Variants in PHACTR2 observed in about 807,000 individuals in gnomAD.
The protein encoded by PHACTR2 is phosphatase and actin regulator 2.
In PHACTR2, 30 loss-of-function variants were observed where a neutral mutation model predicts 76.0. The observed-to-expected ratio is 0.39, with a 90% confidence interval of 0.30 to 0.54. The LOEUF is 0.54. Ranked by LOEUF, PHACTR2 falls within the 20% of genes least tolerant of loss-of-function variation. The pLI is 0.61. For synonymous variants in PHACTR2, 292 were observed against 292.5 expected (o/e 1.00, Z 0.02); for missense variants, 696 against 781.1 (o/e 0.89, Z 1.30).
rs1332068578 is a variant in PHACTR2, at chr6:143,698,079, T to G, written c.47-13937T>G. On this transcript the variant is annotated intron_variant, in intron 1 of 12. Coordinates refer to ENST00000440869, the MANE Select transcript of PHACTR2 (RefSeq NM_001100164.2). The surrounding 1 kb of genome is among the most constrained non-coding windows in gnomAD (Gnocchi z 4.3). ...CTTTTTCCCATCATTCTAGAACATG[T>G]TCAATGTTTCTTCAGACCAGTATTG... 6.6e-6 allele frequency among the ~76,000 whole-genome samples: 1 copy of G among 152,218 alleles called. No homozygotes were observed. Among genetic ancestry groups the G allele is most frequent in the Non-Finnish European group, 1.5e-5 (1 of 68,040 alleles).
intron 2 of PHACTR2, among the ~76,000 whole-genome samples, chr6:143,714,563 G>A (rs1562279647): frequency 6.6e-6 from 1 of 152,204 alleles, no homozygotes; most frequent in Non-Finnish European, 1.5e-5. Flanking sequence ...TGCCCTATAA[G>A]GCAGGCTGGG....
rs1315063050 is a variant in PHACTR2, at chr6:143,595,260, A to T, written c.217+58053A>T. Among the ~76,000 whole-genome samples the T allele has an allele frequency of 6.6e-6, 1 of 152,252 alleles. No homozygotes were observed. The highest frequency in any genetic ancestry group is 1.9e-4 in the East Asian group (1 of 5,204). Reference sequence around the variant, plus strand: ...TTAAGTATGTCAAATGACACACTAAAGGCTAATTAGGTAAAGGGAGAAGTG... The same window carrying T: ...TTAAGTATGTCAAATGACACACTAATGGCTAATTAGGTAAAGGGAGAAGTG... On this transcript the variant is annotated intron_variant, in intron 1 of 11. Transcript: ENST00000367584. The surrounding 1 kb of genome is among the most constrained non-coding windows in gnomAD (Gnocchi z 4.2).
At chr6:143,564,515 T>G (rs1016901503) in intron 1 of PHACTR2, among the ~76,000 whole-genome samples, 5 of 152,096 alleles carry the variant, frequency 3.3e-5, no homozygotes, top group Non-Finnish European at 7.4e-5. Context: ...TTAACACCCA[T>G]GCACATTTAT....
At chr6:143,622,279 G>A (rs961217436) in intron 1 of PHACTR2, among the ~76,000 whole-genome samples, 1 of 152,130 alleles carries the variant, frequency 6.6e-6, no homozygotes, top group East Asian at 1.9e-4. Context: ...AGGCCCCTGT[G>A]TCACCAGCAC....
intron 1 of PHACTR2, among the ~76,000 whole-genome samples, chr6:143,626,981 G>C (rs1235830246): frequency 1.3e-5 from 2 of 152,224 alleles, no homozygotes; most frequent in East Asian, 3.8e-4. Context: ...ACGTTAGGTT[G>C]ATTATTAGTG....
At position 143,760,402 on chromosome 6, in the gene PHACTR2, G is replaced by T; in HGVS notation, c.456G>T (p.Glu152Asp). The T allele has an allele frequency of 1.2e-6, 2 of 1,607,864 alleles. No homozygotes were observed. Among genetic ancestry groups the T allele is most frequent in the Non-Finnish European group, 1.7e-6 (2 of 1,176,842 alleles). ...TTCTGTTCACTTTCTCGTTTATAGA[G>T]AACACTGAAAACCACTCTGAAACAC... ...PLEEQAEDKK[E>D]NTENHSETPA... The change falls in exon 5 of 13, where the codon GAG becomes GAT. Residue 152 changes from glutamate (E) to aspartate (D), a missense_variant and splice_region_variant. Glu to Asp is a conservative substitution (Grantham distance 45). This residue lies in a region of PHACTR2 where 460 missense variants were observed against 450.9 expected (regional missense o/e 1.02). Coordinates refer to ENST00000440869, the MANE Select transcript of PHACTR2 (RefSeq NM_001100164.2). This position sits in a 1 kb window ranked among gnomAD's most constrained non-coding sequence, Gnocchi z 6.4.
chr6:143,605,905 G>T (rs76389020), upstream of PHACTR2, among the ~76,000 whole-genome samples: 947 of 152,192 alleles, frequency 6.2e-3, 22 homozygotes, highest in East Asian at 0.091. The surrounding 1 kb of genome is among the most constrained non-coding windows in gnomAD (Gnocchi z 5.0). Flanking sequence ...TGACATATGT[G>T]TACAATGTGG....
chr6:143,615,307 T>G (rs939835449), intron 1 of PHACTR2, among the ~76,000 whole-genome samples: 5 of 152,200 alleles, frequency 3.3e-5, no homozygotes, highest in African/African-American at 1.2e-4. Context: ...TTGGTCTTTG[T>G]GTTTTCCATA....
chr6:143,827,166 A>G lies in PHACTR2; in HGVS notation c.*3477A>G, dbSNP rs1027737694. 1.6e-5 allele frequency: 1 copy of G among 62,182 alleles called. No individual in the cohort carries two copies. The highest frequency in any genetic ancestry group is 3.6e-5 in the Non-Finnish European group (1 of 27,966). 3.9% of individuals were successfully genotyped at this position (62,182 alleles called of 1,614,324 possible). On this transcript the variant is annotated 3_prime_UTR_variant, in exon 13 of 13. Transcript: ENST00000440869. ...GCATTAAAAAAGAAAATATATATAT[A>G]TATATATATATATATATATATATAT... is the stretch of plus-strand genomic sequence containing the variant.
At position 143,765,692 on chromosome 6, in the gene PHACTR2, G is replaced by A. The variant is rs200196216; in HGVS notation, c.1126G>A (p.Val376Ile). 4.3e-5 allele frequency: 69 copies of A among 1,614,116 alleles called. 1 individual carries two copies. The highest frequency in any genetic ancestry group is 1.1e-4 in the East Asian group (5 of 44,882). ...VLVSVGADLPVSALDPSQLLW... is the reference protein window; with the variant it reads ...VLVSVGADLPISALDPSQLLW... ...CGTCAGCGTTGGAGCTGACCTGCCC[G>A]TCTCTGCCTTAGACCCAAGTCAGCT... The change falls in exon 6 of 13, where the codon GTC (valine) becomes ATC (isoleucine). Residue 376 changes from valine (V) to isoleucine (I), a missense_variant. Physicochemically the swap from Val to Ile is conservative, Grantham distance 29. This residue lies in a region of PHACTR2 where 236 missense variants were observed against 330.2 expected (regional missense o/e 0.71). Coordinates refer to ENST00000440869, the MANE Select transcript of PHACTR2 (RefSeq NM_001100164.2). The surrounding 1 kb of genome is among the most constrained non-coding windows in gnomAD (Gnocchi z 4.1).
At chr6:143,694,944 T>C (rs1777737306) in intron 1 of PHACTR2, among the ~76,000 whole-genome samples, 1 of 152,208 alleles carries the variant, frequency 6.6e-6, no homozygotes, top group African/African-American at 2.4e-5. Context: ...AAGATAATGC[T>C]TCAACAGCAC....
intron 1 of PHACTR2, among the ~76,000 whole-genome samples, chr6:143,668,760 C>T (rs1184969091): frequency 6.6e-6 from 1 of 151,896 alleles, no homozygotes; most frequent in Admixed American, 6.6e-5. Flanking sequence ...TTTGATTCTT[C>T]TCTCTTCTCT....
chr6:143,619,518 TAC>T lies in PHACTR2; in HGVS notation c.13+11200_13+11201del, dbSNP rs1156275062. ...TGCTCTGAAATACCCTACTGAAGGGTACACAGTGTTGACCTGTACACAAAGAA... is the reference window on the plus strand; with the variant it reads ...TGCTCTGAAATACCCTACTGAAGGGTACAGTGTTGACCTGTACACAAAGAA... On this transcript the variant is annotated intron_variant, in intron 1 of 11. Transcript: ENST00000305766. The surrounding 1 kb of genome is among the most constrained non-coding windows in gnomAD (Gnocchi z 4.5). Among the ~76,000 whole-genome samples, 1 of 152,234 alleles carries T rather than the reference TAC, an allele frequency of 6.6e-6. No individual in the cohort carries two copies. The highest frequency in any genetic ancestry group is 1.5e-5 in the Non-Finnish European group (1 of 68,036).
chr6:143,703,953 T>C (rs1368162869), intron 1 of PHACTR2, among the ~76,000 whole-genome samples: 1 of 152,206 alleles, frequency 6.6e-6, no homozygotes, highest in Non-Finnish European at 1.5e-5. Context: ...TTTAATTTTT[T>C]CCCATAAATA....
Position 143,611,398 on chromosome 6 carries a change from C to T in PHACTR2, c.13+3076C>T, listed in dbSNP as rs1775972663. 1.3e-5 allele frequency among the ~76,000 whole-genome samples: 2 copies of T among 152,106 alleles called. No individual in the cohort carries two copies. Among genetic ancestry groups the T allele is most frequent in the Admixed American group, 6.6e-5 (1 of 15,260 alleles). On this transcript the variant is annotated intron_variant, in intron 1 of 11. Transcript: ENST00000305766. This position sits in a 1 kb window ranked among gnomAD's most constrained non-coding sequence, Gnocchi z 4.4. ...CTGCCAGCTCCCTGCAAAAGAGACT[C>T]GAGAGTTATTTGGAGCCAGACTGAG...
rs1052028431 is a variant in PHACTR2, at chr6:143,700,891, G to A, written c.47-11125G>A. ...TAGGTTGTTGGTTGATTCCTGTCACGTTTTTCCTCTCTGTAGCGACATCTT... is the reference window on the plus strand; with the variant it reads ...TAGGTTGTTGGTTGATTCCTGTCACATTTTTCCTCTCTGTAGCGACATCTT... On this transcript the variant is annotated intron_variant, in intron 1 of 12. Transcript: ENST00000440869. This position sits in a 1 kb window ranked among gnomAD's most constrained non-coding sequence, Gnocchi z 4.1. 6.6e-6 allele frequency among the ~76,000 whole-genome samples: 1 copy of A among 152,180 alleles called. No homozygotes were observed. The highest frequency in any genetic ancestry group is 2.4e-5 in the African/African-American group (1 of 41,430).
At chr6:143,756,785 C>T (rs1206530098) in intron 4 of PHACTR2, among the ~76,000 whole-genome samples, 3 of 151,890 alleles carry the variant, frequency 2.0e-5, no homozygotes, top group Non-Finnish European at 2.9e-5. Flanking sequence ...TTATGGCTCA[C>T]GCCTGTAATC....
At chr6:143,538,111 CACAA>C (rs1781135728) in intron 1 of PHACTR2, among the ~76,000 whole-genome samples, 1 of 151,956 alleles carries the variant, frequency 6.6e-6, no homozygotes, top group South Asian at 2.1e-4. Context: ...CACACACACA[CACAA>C]ACACACAAAA....
chr6:143,814,399 G>A (rs1376292889), intron 12 of PHACTR2, among the ~76,000 whole-genome samples: 1 of 152,032 alleles, frequency 6.6e-6, no homozygotes, highest in Non-Finnish European at 1.5e-5. Flanking sequence ...TTCATTAGGT[G>A]GAATTGGATA....
Sources: allele counts gnomAD v4.1 joint callset (sites outside exome capture counted in the v4.1 genomes callset), GRCh38; gene constraint gnomAD v4.1.1; regional missense constraint gnomAD v4.1.1; non-coding constraint Gnocchi (gnomAD v3.1); transcripts MANE v1.5; gene names NCBI Gene and HGNC (gene_info 2026-07-23, HGNC 2026-07-21).